CSMD1: variants seen among roughly 807,000 people sequenced by gnomAD.
CSMD1 encodes the protein CUB and sushi domain-containing protein 1.
Under a neutral mutation model 417.5 loss-of-function variants are expected in CSMD1, and 213 were observed. The observed-to-expected ratio is 0.51, with a 90% CI of 0.46 to 0.57. The LOEUF is 0.57. Among genes scored for constraint, CSMD1 ranks in the 20% least tolerant of loss-of-function variants. The probability of loss-of-function intolerance (pLI) is 0.00; values close to 1 mark genes in which losing one functional copy is unlikely to be tolerated. For synonymous variants in CSMD1, 2,862 were observed against 1,736.8 expected (o/e 1.65, Z -16.11); for missense variants, 6,923 against 4,529.7 (o/e 1.53, Z -15.17).
intron 41 of CSMD1, chr8:3,128,123 G>T (rs1817606130): frequency 6.6e-6 from 1 of 152,090 alleles, no homozygotes; most frequent in Non-Finnish European, 1.5e-5. Flanking sequence ...ACCAACAAAA[G>T]TAAAATAACA....
chr8:3,758,708 G>C (rs1359035868), intron 5 of CSMD1, among the ~76,000 whole-genome samples: 2 of 152,216 alleles, frequency 1.3e-5, no homozygotes, highest in East Asian at 1.9e-4. Context: ...GTGGGAGGCA[G>C]AATCATACCT....
chr8:3,898,816 T>C (rs1214386953), intron 5 of CSMD1, among the ~76,000 whole-genome samples: 1 of 152,210 alleles, frequency 6.6e-6, no homozygotes, highest in African/African-American at 2.4e-5. Context: ...ATTTAATTAA[T>C]AAATCATCAA....
chr8:4,358,796 A>G (rs909179160), intron 3 of CSMD1, among the ~76,000 whole-genome samples: 1 of 152,190 alleles, frequency 6.6e-6, no homozygotes, highest in African/African-American at 2.4e-5. Flanking sequence ...AGCCAAGGCA[A>G]GGGTAAACAA....
intron 3 of CSMD1, among the ~76,000 whole-genome samples, chr8:4,264,899 A>C (rs1351969957): frequency 6.6e-6 from 1 of 152,244 alleles, no homozygotes; most frequent in Non-Finnish European, 1.5e-5. Flanking sequence ...GAAAACATGT[A>C]GGAATTGGGT....
chr8:3,182,535 C>A (rs1279967360), intron 36 of CSMD1, among the ~76,000 whole-genome samples: 1 of 149,954 alleles, frequency 6.7e-6, no homozygotes. Context: ...TTGATCAGAC[C>A]AATAACCCCA....
intron 5 of CSMD1, among the ~76,000 whole-genome samples, chr8:3,933,746 G>C (rs149541902): frequency 2.8e-4 from 42 of 152,234 alleles, no homozygotes; most frequent in African/African-American, 9.6e-4. Context: ...GAGAAATGAG[G>C]TGAGATTTAT....
chr8:3,309,404 C>A (rs1563256543), intron 23 of CSMD1, among the ~76,000 whole-genome samples: 2 of 142,920 alleles, frequency 1.4e-5, no homozygotes, highest in Non-Finnish European at 3.1e-5. Flanking sequence ...AGGAAATCCA[C>A]ACAACAACAG....
intron 41 of CSMD1, among the ~76,000 whole-genome samples, chr8:3,133,025 T>C (rs1173093229): frequency 6.6e-6 from 1 of 152,228 alleles, no homozygotes. Flanking sequence ...TGAGGTTAGC[T>C]GACTTGCCTG....
intron 3 of CSMD1, among the ~76,000 whole-genome samples, chr8:4,079,536 A>G (rs901874194): frequency 1.3e-5 from 2 of 152,198 alleles, no homozygotes; most frequent in African/African-American, 4.8e-5. Context: ...ATCTGATGCC[A>G]AAACACTGAA....
chr8:3,042,989 C>T (rs1811209426), intron 50 of CSMD1, among the ~76,000 whole-genome samples: 1 of 150,932 alleles, frequency 6.6e-6, no homozygotes, highest in African/African-American at 2.4e-5. Flanking sequence ...TACCATAGGT[C>T]ACTATAGCGA....
chr8:4,343,303 G>C (rs1049309525), intron 3 of CSMD1, among the ~76,000 whole-genome samples: 13 of 151,988 alleles, frequency 8.6e-5, no homozygotes, highest in African/African-American at 1.9e-4. Flanking sequence ...ATTGGCCAAA[G>C]GGTACAAAAT....
chr8:3,888,053 A>G (rs906880901), intron 5 of CSMD1, among the ~76,000 whole-genome samples: 9 of 152,204 alleles, frequency 5.9e-5, no homozygotes, highest in African/African-American at 2.2e-4. Context: ...AGATATTGGA[A>G]AATACTGTAC....
intron 6 of CSMD1, among the ~76,000 whole-genome samples, chr8:3,749,257 T>A (rs1479516583): frequency 6.6e-6 from 1 of 152,238 alleles, no homozygotes; most frequent in Non-Finnish European, 1.5e-5. Flanking sequence ...GTGTCCTGCA[T>A]AAATCTTACA....
At chr8:4,347,385 A>T (rs1238864454) in intron 3 of CSMD1, among the ~76,000 whole-genome samples, 1 of 152,204 alleles carries the variant, frequency 6.6e-6, no homozygotes, top group South Asian at 2.1e-4. Flanking sequence ...TTCTTGGGAC[A>T]TCTAAGACAT....
At chr8:3,254,942 G>T (rs1207975526) in intron 26 of CSMD1, among the ~76,000 whole-genome samples, 1 of 152,100 alleles carries the variant, frequency 6.6e-6, no homozygotes, top group Non-Finnish European at 1.5e-5. Context: ...AGGAGGAGAG[G>T]TGCTCTGATT....
At chr8:3,976,325 T>C (rs916338154) in intron 5 of CSMD1, among the ~76,000 whole-genome samples, 4 of 152,178 alleles carry the variant, frequency 2.6e-5, no homozygotes, top group Non-Finnish European at 5.9e-5. Context: ...AGTCAATGCG[T>C]TTTTAATTAC....
At position 3,926,106 on chromosome 8, in the gene CSMD1, CA is replaced by C. The variant is rs770039547; in HGVS notation, c.818+71796del. Among the ~76,000 whole-genome samples the C allele has an allele frequency of 1.2e-3, 60 of 51,078 alleles. 2 individuals carry two copies. The highest frequency in any genetic ancestry group is 1.8e-3 in the Admixed American group (7 of 3,884). The allele number at this position is 51,078 out of a possible 152,430, so 33.5% of individuals were successfully genotyped here. On this transcript the variant is annotated intron_variant, in intron 5 of 69. Transcript: ENST00000635120. ...ATACACACACACACACACACACACA[CA>C]CACACACACACACACACACACACAC...
rs1796934070 is a variant in CSMD1, at chr8:3,200,449, G to C, written c.5099-640C>G. On this transcript the variant is annotated intron_variant, in intron 32 of 69. Transcript: ENST00000635120. The stretch of plus-strand genomic sequence containing the variant: ...GCATGCCTGTAATCCCAGCCACTCA[G>C]GAGGCTGAGGCAGGAGAATCGCTTG... Among the ~76,000 whole-genome samples, 4 of 152,040 alleles carry C rather than the reference G, an allele frequency of 2.6e-5. No homozygotes were observed. In the South Asian group the frequency reaches 8.3e-4, roughly 32 times the overall value.
At position 3,096,865 on chromosome 8, in the gene CSMD1, T is replaced by G. The variant is rs959302248; in HGVS notation, c.7122A>C (p.Ala2374=). The G allele has an allele frequency of 1.3e-6, 2 of 1,553,628 alleles. No homozygotes were observed. Among genetic ancestry groups the G allele is most frequent in the African/African-American group, 1.4e-5 (1 of 73,392 alleles). ...DTFQSEKQFD[A]LEVFDGSSGQ... is the part of the protein sequence containing the mutation. ...GAAACTTACCATCAAACACTTCCAG[T>G]GCATCAAACTGCTTTTCACTTTGAA... The change falls in exon 47 of 70, where the codon GCA becomes GCC. Residue 2374 remains alanine, a synonymous_variant. Transcript: ENST00000635120.
Sources: gnomAD v4.1 joint callset for allele counts (sites outside exome capture counted in the v4.1 genomes callset) on GRCh38, gnomAD v4.1.1 for gene constraint, MANE v1.5 for transcripts, NCBI Gene and HGNC (gene_info 2026-07-23, HGNC 2026-07-21) for gene names.